The following NRG3 variants were observed in gnomAD, a reference collection of about 807,000 sequenced individuals.
NRG3 encodes pro-neuregulin-3, membrane-bound isoform.
A neutral mutation model predicts 66.9 loss-of-function variants in NRG3; 31 were observed. The observed-to-expected ratio is 0.46, with a 90% CI of 0.35 to 0.63. The LOEUF is 0.63. Ranked by LOEUF, NRG3 falls within the 20% of genes least tolerant of loss-of-function variation. NRG3 has a pLI of 0.00. For missense variants in NRG3, 910 were observed against 878.9 expected, an observed-to-expected ratio of 1.04 and a Z score of -0.45; for synonymous variants, 393 against 359.4, an observed-to-expected ratio of 1.09 and a Z score of -1.06.
intron 2 of NRG3, among the ~76,000 whole-genome samples, chr10:82,555,774 T>A (rs943558647): frequency 2.0e-5 from 3 of 152,230 alleles, no homozygotes. Flanking sequence ...TATCCCTTTC[T>A]TAAATGGTCA....
intron 3 of NRG3, among the ~76,000 whole-genome samples, chr10:82,830,641 G>T (rs953595071): frequency 4.6e-5 from 7 of 152,116 alleles, no homozygotes; most frequent in African/African-American, 1.7e-4. Context: ...TAATCATGAG[G>T]CTCAAAAACG....
At chr10:82,348,203 T>A (rs1698941379) in intron 1 of NRG3, among the ~76,000 whole-genome samples, 1 of 152,258 alleles carries the variant, frequency 6.6e-6, no homozygotes, top group South Asian at 2.1e-4. Context: ...CAGCAGCTGG[T>A]ACCTGTTGTT....
intron 1 of NRG3, among the ~76,000 whole-genome samples, chr10:82,250,160 A>G (rs2077417468): frequency 6.6e-6 from 1 of 152,234 alleles, no homozygotes; most frequent in Non-Finnish European, 1.5e-5. Context: ...ATAAAATTTC[A>G]GGAGTTGAAA....
intron 1 of NRG3, among the ~76,000 whole-genome samples, chr10:82,154,554 T>C (rs913301980): frequency 1.3e-5 from 2 of 151,638 alleles, no homozygotes; most frequent in African/African-American, 4.8e-5. Context: ...ATTTGGGGTT[T>C]TTTTTTTGTT....
intron 1 of NRG3, among the ~76,000 whole-genome samples, chr10:82,047,233 G>T: frequency 6.6e-6 from 1 of 151,770 alleles, no homozygotes; most frequent in Non-Finnish European, 1.5e-5. Context: ...ATTGATTATT[G>T]CCACAATTTC....
intron 2 of NRG3, among the ~76,000 whole-genome samples, chr10:82,586,442 G>A (rs1260808480): frequency 2.0e-5 from 3 of 152,080 alleles, no homozygotes; most frequent in Admixed American, 2.0e-4. Flanking sequence ...TGGACAGCAT[G>A]GTTGTTGGTT....
intron 2 of NRG3, among the ~76,000 whole-genome samples, chr10:82,659,305 G>A (rs1232967799): frequency 6.6e-6 from 1 of 152,116 alleles, no homozygotes; most frequent in African/African-American, 2.4e-5. Flanking sequence ...TGATAGTCCC[G>A]GATGCAATTA....
At chr10:82,193,893 C>T (rs1162008993) in intron 1 of NRG3, among the ~76,000 whole-genome samples, 1 of 152,004 alleles carries the variant, frequency 6.6e-6, no homozygotes, top group Non-Finnish European at 1.5e-5. Flanking sequence ...TAACCCTGGA[C>T]CAGGGTGAGA....
chr10:82,548,563 A>G (rs1490983476), intron 2 of NRG3, among the ~76,000 whole-genome samples: 1 of 151,278 alleles, frequency 6.6e-6, no homozygotes, highest in South Asian at 2.1e-4. Flanking sequence ...ACACACACGC[A>G]CACGCACAAT....
chr10:81,896,069 G>A (rs1843500062), intron 1 of NRG3, among the ~76,000 whole-genome samples: 1 of 152,122 alleles, frequency 6.6e-6, no homozygotes, highest in South Asian at 2.1e-4. Flanking sequence ...ACAAATTCAA[G>A]CTAGTAAGGA....
chr10:82,262,498 T>C (rs910252839), intron 1 of NRG3, among the ~76,000 whole-genome samples: 7 of 152,246 alleles, frequency 4.6e-5, no homozygotes, highest in African/African-American at 1.7e-4. Context: ...TTTTACATTC[T>C]GGCTACTCCT....
At chr10:82,131,468 T>C (rs1245006891) in intron 1 of NRG3, among the ~76,000 whole-genome samples, 1 of 152,156 alleles carries the variant, frequency 6.6e-6, no homozygotes, top group Non-Finnish European at 1.5e-5. Flanking sequence ...GGTCAAGTAA[T>C]GTGATTCCTC....
chr10:82,671,012 T>A (rs146405185), intron 2 of NRG3, among the ~76,000 whole-genome samples: 114 of 152,268 alleles, frequency 7.5e-4, no homozygotes, highest in African/African-American at 2.6e-3. Flanking sequence ...TGGGAGGCAA[T>A]AAGCCCAAGT....
chr10:81,963,986 C>G (rs1029939309), intron 1 of NRG3, among the ~76,000 whole-genome samples: 1 of 151,896 alleles, frequency 6.6e-6, no homozygotes, highest in Non-Finnish European at 1.5e-5. Flanking sequence ...TTATTTTAAT[C>G]GTACAAAAAA....
intron 2 of NRG3, among the ~76,000 whole-genome samples, chr10:82,587,309 A>G (rs2046732547): frequency 1.3e-5 from 2 of 150,712 alleles, no homozygotes; most frequent in African/African-American, 2.4e-5. Flanking sequence ...ATAAAAGTAT[A>G]TGCTATTCAT....
intron 2 of NRG3, among the ~76,000 whole-genome samples, chr10:82,715,873 G>A (rs1004046755): frequency 2.6e-5 from 4 of 152,100 alleles, no homozygotes; most frequent in Non-Finnish European, 4.4e-5. Context: ...CCTCCAGGCT[G>A]CAGACTACCA....
rs1221018944 is a variant in NRG3 at position 82,324,543 on chromosome 10, A to G, written c.824-34196A>G. Among the ~76,000 whole-genome samples, 5 of 152,278 alleles carry G rather than the reference A, an allele frequency of 3.3e-5. No individual in the cohort carries two copies. In the Middle Eastern group the frequency reaches 0.01, roughly 311 times the overall value. The stretch of plus-strand genomic sequence containing the variant: ...CATGAGGTGTTTTTAAAATTCTAAT[A>G]TAGGTTACCAGTGCTATAAATTTCC... On this transcript the variant is annotated intron_variant, in intron 1 of 8. Transcript: ENST00000372141.
intron 4 of NRG3, among the ~76,000 whole-genome samples, chr10:82,931,027 G>T (rs767487765): frequency 1.6e-4 from 24 of 152,134 alleles, no homozygotes; most frequent in Non-Finnish European, 3.1e-4. Flanking sequence ...TATAGGAGGC[G>T]ATGGCAAAAA....
At chr10:82,932,185 T>A (rs1847640893) in intron 4 of NRG3, among the ~76,000 whole-genome samples, 1 of 152,168 alleles carries the variant, frequency 6.6e-6, no homozygotes, top group Non-Finnish European at 1.5e-5. Flanking sequence ...TTTTCCTCTC[T>A]ATGGCGGCTG....
Sources: gnomAD v4.1 joint callset for allele counts (sites outside exome capture counted in the v4.1 genomes callset) on GRCh38, gnomAD v4.1.1 for gene constraint, MANE v1.5 for transcripts, NCBI Gene and HGNC (gene_info 2026-07-23, HGNC 2026-07-21) for gene names.